The following KAZN variants were observed in gnomAD, a reference collection of about 807,000 sequenced individuals.
KAZN encodes kazrin.
A neutral mutation model predicts 87.4 loss-of-function variants in KAZN; 40 were observed. That is an observed-to-expected ratio of 0.46 (90% CI 0.36 to 0.60). KAZN has a LOEUF of 0.60. Ranked by LOEUF, KAZN falls within the 20% of genes least tolerant of loss-of-function variation. The pLI is 0.00. For missense variants in KAZN, 898 were observed against 1,073.9 expected (o/e 0.84, Z 2.29); for synonymous variants, 466 against 458.3 (o/e 1.02, Z -0.22).
At chr1:14,140,400 A>G (rs538631019) in intron 1 of KAZN, among the ~76,000 whole-genome samples, 1 of 152,232 alleles carries the variant, frequency 6.6e-6, no homozygotes, top group South Asian at 2.1e-4. Context: ...AATAATTATA[A>G]TAATTATTAA....
intron 8 of KAZN, among the ~76,000 whole-genome samples, chr1:15,073,956 G>A (rs191361484): frequency 6.6e-6 from 1 of 152,254 alleles, no homozygotes; most frequent in African/African-American, 2.4e-5. Flanking sequence ...CCTGCCCTTG[G>A]GCTCCTGAGG....
chr1:14,436,734 A>AAC (rs1553172282), intron 2 of KAZN, among the ~76,000 whole-genome samples: 18 of 137,360 alleles, frequency 1.3e-4, no homozygotes, highest in Non-Finnish European at 1.4e-4. Flanking sequence ...AAAAAAAAAA[A>AAC]AAAACCTTAA....
rs1290748464 is a variant in KAZN, at chr1:14,769,614, A to G, written c.226+170391A>G. Among the ~76,000 whole-genome samples, 2 of 152,058 alleles carry G rather than the reference A, an allele frequency of 1.3e-5. No individual in the cohort carries two copies. Among genetic ancestry groups the G allele is most frequent in the Non-Finnish European group, 2.9e-5 (2 of 68,020 alleles). ...GGTGATCCACCTGCCTCAGCCTCCC[A>G]AAGTCCTGGGATTACAGGCGTGAGC... is the stretch of plus-strand genomic sequence containing the variant. On this transcript the variant is annotated intron_variant, in intron 1 of 14. Transcript: ENST00000376030. The surrounding 1 kb of genome is among the most constrained non-coding windows in gnomAD (Gnocchi z 4.1).
chr1:14,389,335 A>C (rs12732401), intron 2 of KAZN, among the ~76,000 whole-genome samples: 6,311 of 152,340 alleles, frequency 0.041, 267 homozygotes, highest in Admixed American at 0.13. Flanking sequence ...TATATGATTC[A>C]GCAATCCCAC....
chr1:13,995,035 T>A (rs1639445061), intron 1 of KAZN, among the ~76,000 whole-genome samples: 2 of 152,084 alleles, frequency 1.3e-5, no homozygotes, highest in Non-Finnish European at 2.9e-5. Context: ...ATTTCCTCTT[T>A]GAAAAGAACA....
intron 2 of KAZN, among the ~76,000 whole-genome samples, chr1:14,393,378 G>A (rs929299858): frequency 6.6e-6 from 1 of 152,132 alleles, no homozygotes; most frequent in Admixed American, 6.5e-5. Flanking sequence ...TATGTAGCAA[G>A]AATAAAAGCA....
At chr1:14,665,949 A>G (rs895687644) in intron 1 of KAZN, among the ~76,000 whole-genome samples, 1 of 151,794 alleles carries the variant, frequency 6.6e-6, no homozygotes, top group Non-Finnish European at 1.5e-5. Flanking sequence ...AAAAAAAAAA[A>G]AAAATAACAT....
intron 1 of KAZN, among the ~76,000 whole-genome samples, chr1:13,967,353 C>T (rs1641982799): frequency 6.6e-6 from 1 of 152,166 alleles, no homozygotes; most frequent in Non-Finnish European, 1.5e-5. Context: ...AACTGAAGGA[C>T]TGATTGAGAA....
chr1:14,689,433 G>A (rs1641158046), intron 1 of KAZN, among the ~76,000 whole-genome samples: 1 of 152,206 alleles, frequency 6.6e-6, no homozygotes, highest in Non-Finnish European at 1.5e-5. Flanking sequence ...AAAGCTGCCG[G>A]AGGATGTTGA....
At chr1:14,850,443 G>C (rs942072699) in intron 1 of KAZN, among the ~76,000 whole-genome samples, 2 of 152,104 alleles carry the variant, frequency 1.3e-5, no homozygotes, top group African/African-American at 4.8e-5. Context: ...AATCCAAGGA[G>C]GCTTATACGG....
chr1:14,429,590 C>T (rs964038208), intron 2 of KAZN, among the ~76,000 whole-genome samples: 6 of 152,080 alleles, frequency 3.9e-5, no homozygotes, highest in Non-Finnish European at 7.4e-5. Context: ...AAAAGGGGAG[C>T]GTCTTTCCCT....
chr1:14,590,739 C>A (rs1347244918), intron 2 of KAZN, among the ~76,000 whole-genome samples: 1 of 152,166 alleles, frequency 6.6e-6, no homozygotes, highest in African/African-American at 2.4e-5. Flanking sequence ...CTATTAATTT[C>A]TTTCTAGGCA....
intron 2 of KAZN, among the ~76,000 whole-genome samples, chr1:14,492,594 T>G (rs926314241): frequency 9.5e-5 from 3 of 31,594 alleles, no homozygotes; most frequent in Non-Finnish European, 1.9e-4. Flanking sequence ...ATAGCTTCTC[T>G]TTACACTTAG....
chr1:14,718,717 A>G (rs1036965851), intron 1 of KAZN, among the ~76,000 whole-genome samples: 4 of 152,194 alleles, frequency 2.6e-5, no homozygotes, highest in South Asian at 2.1e-4. Context: ...GGCCTTCTGG[A>G]TCCCCACAAA....
At chr1:14,712,640 T>C (rs1159926187) in intron 1 of KAZN, among the ~76,000 whole-genome samples, 1 of 152,090 alleles carries the variant, frequency 6.6e-6, no homozygotes, top group Non-Finnish European at 1.5e-5. Flanking sequence ...CACTCTAGGC[T>C]CTCCTTGGCC....
intron 2 of KAZN, among the ~76,000 whole-genome samples, chr1:14,971,789 C>T (rs190289272): frequency 1.3e-5 from 2 of 149,256 alleles, no homozygotes; most frequent in Admixed American, 6.8e-5. Context: ...TCACACCATT[C>T]GGCACCAGGA....
chr1:14,850,481 G>C lies in KAZN; in HGVS notation c.227-110203G>C, dbSNP rs79612401. 1.0e-3 allele frequency among the ~76,000 whole-genome samples: 153 copies of C among 152,288 alleles called. 4 individuals carry two copies. The highest frequency in any genetic ancestry group is 3.6e-3 in the African/African-American group (148 of 41,558). On this transcript the variant is annotated intron_variant, in intron 1 of 14. Transcript: ENST00000376030. ...AACATCATCGCCATTTTACAGACGA[G>C]AAAACCAAGGCTTAGAGAGGTTAAG...
intron 2 of KAZN, among the ~76,000 whole-genome samples, chr1:14,252,723 T>C (rs986893162): frequency 1.3e-5 from 2 of 152,228 alleles, no homozygotes; most frequent in East Asian, 3.8e-4. Context: ...ATGTTTGCTA[T>C]ATTATTAGTT....
At chr1:13,988,560 T>C (rs1639130052) in intron 1 of KAZN, among the ~76,000 whole-genome samples, 1 of 152,088 alleles carries the variant, frequency 6.6e-6, no homozygotes, top group Admixed American at 6.6e-5. Context: ...ATTTCAGGGC[T>C]CAAGTCCAAA....
Sources: allele counts gnomAD v4.1 joint callset (sites outside exome capture counted in the v4.1 genomes callset), GRCh38; gene constraint gnomAD v4.1.1; non-coding constraint Gnocchi (gnomAD v3.1); transcripts MANE v1.5; gene names NCBI Gene and HGNC (gene_info 2026-07-23, HGNC 2026-07-21).